The following ZNF792 variants were observed in gnomAD, a reference collection of about 807,000 sequenced individuals.
ZNF792 encodes zinc finger protein 792.
ZNF792 carries 14 observed loss-of-function variants against 13.1 expected under a neutral mutation model. That is an observed-to-expected ratio of 1.07 (90% CI 0.71 to 1.67). The LOEUF (loss-of-function observed/expected upper bound fraction) is 1.67, where lower values mean the gene tolerates loss of function less well. ZNF792 is among the 40% of genes most tolerant of loss of function. ZNF792 has a pLI of 0.00. For synonymous variants in ZNF792, 257 were observed against 292.0 expected, an observed-to-expected ratio of 0.88 and a Z score of 1.22; for missense variants, 740 against 807.9, an observed-to-expected ratio of 0.92 and a Z score of 1.02.
In ZNF792 at chr19:34,958,723, G is replaced by A. The variant is rs571355650; in HGVS notation, c.1132C>T (p.Arg378Cys). The A allele has an allele frequency of 1.4e-5, 23 of 1,613,484 alleles. No individual in the cohort carries two copies. Among genetic ancestry groups the A allele is most frequent in the South Asian group, 8.8e-5 (8 of 91,034 alleles). Residue 378 changes from arginine to cysteine, a missense_variant, in exon 4 of 4, where the codon CGT becomes TGT. By Grantham distance (180) the Arg-to-Cys change is radical. Transcript: ENST00000404801. ...CSDCGKFFSQ[R>C]SNLIHHKRVH... Reference sequence around the variant, plus strand: ...CTCTTATGATGAATGAGGTTGGAACGCTGGCTGAAGAACTTCCCACAGTCG... The same window carrying A: ...CTCTTATGATGAATGAGGTTGGAACACTGGCTGAAGAACTTCCCACAGTCG...
At position 34,957,759 on chromosome 19, in the gene ZNF792, C is replaced by T. The variant is rs921049005; in HGVS notation, c.*197G>A. On this transcript the variant is annotated 3_prime_UTR_variant, in exon 4 of 4. Coordinates refer to ENST00000404801, the MANE Select transcript of ZNF792 (RefSeq NM_175872.5). Reference sequence around the variant, plus strand: ...AAGGCTTCAGACTACTCCTAATTCCCTTTAGGGATTGGAAAGAGAGAGGAG... The same window carrying T: ...AAGGCTTCAGACTACTCCTAATTCCTTTTAGGGATTGGAAAGAGAGAGGAG... 8 of 578,826 alleles carry T rather than the reference C, an allele frequency of 1.4e-5. No individual in the cohort carries two copies. Among genetic ancestry groups the T allele is most frequent in the African/African-American group, 1.3e-4 (7 of 53,366 alleles). The allele number at this position is 578,826 out of a possible 1,614,324, so 35.9% of individuals were successfully genotyped here.
In ZNF792 at chr19:34,963,809, C is replaced by T. The variant is rs570346554; in HGVS notation, c.-147G>A. 36 of 926,180 alleles carry T rather than the reference C, an allele frequency of 3.9e-5. No individual in the cohort carries two copies. In the East Asian group the frequency reaches 9.7e-4, roughly 25 times the overall value. The allele number at this position is 926,180 out of a possible 1,614,324, so 57.4% of individuals were successfully genotyped here. On this transcript the variant is annotated 5_prime_UTR_variant, in exon 1 of 4. Coordinates refer to ENST00000404801, the MANE Select transcript of ZNF792 (RefSeq NM_175872.5). ...TGAGGGTCGCACTCCTAGCCTCAGTCTCCCCCGTGCAAAATGCGCAAGGGG... is the reference window on the plus strand; with the variant it reads ...TGAGGGTCGCACTCCTAGCCTCAGTTTCCCCCGTGCAAAATGCGCAAGGGG...
intron 2 of ZNF792, 168 bp downstream of exon 2, chr19:34,960,700 G>A: frequency 8.6e-6 from 9 of 1,047,470 alleles, no homozygotes; most frequent in Non-Finnish European, 1.2e-5. Context: ...AGGGAGAGGA[G>A]GGAACAATGC....
At chr19:34,961,928 A>C (rs2013533772) in intron 1 of ZNF792, among the ~76,000 whole-genome samples, 1 of 152,094 alleles carries the variant, frequency 6.6e-6, no homozygotes, top group African/African-American at 2.4e-5. Context: ...TCTACTGCTA[A>C]GCCTCAGCAT....
At position 34,958,098 on chromosome 19, in the gene ZNF792, C is replaced by G; in HGVS notation, c.1757G>C (p.Arg586Thr). 1 of 1,612,916 alleles carries G rather than the reference C, an allele frequency of 6.2e-7. No individual in the cohort carries two copies. Among genetic ancestry groups the G allele is most frequent in the Non-Finnish European group, 8.5e-7 (1 of 1,179,394 alleles). The change falls in exon 4 of 4, where the codon AGA (arginine) becomes ACA (threonine). Residue 586 changes from arginine (R) to threonine (T), a missense_variant. Physicochemically the swap from Arg to Thr is moderately conservative, Grantham distance 71. Transcript: ENST00000404801. The part of the protein sequence containing the change: ...TLIRHQKIHI[R>T]ERSMENVLLP... ...GAGCACATTCTCCATGCTCCTTTCT[C>G]TGATGTGAATCTTCTGATGCCGAAT...
In ZNF792 at chr19:34,959,236, C is replaced by G; in HGVS notation, c.619G>C (p.Asp207His). The part of the protein sequence containing the change: ...PVKTCRDHTS[D>H]QLSTCREGGK... ...CCCTCCCTGCAGGTGGAAAGCTGATCTGATGTGTGGTCTCTGCAGGTCTTT... is the reference window on the plus strand; with the variant it reads ...CCCTCCCTGCAGGTGGAAAGCTGATGTGATGTGTGGTCTCTGCAGGTCTTT... The change falls in exon 4 of 4, where the codon GAT becomes CAT. Residue 207 changes from aspartate (D) to histidine (H), a missense_variant. Transcript: ENST00000404801. 6.2e-7 allele frequency: 1 copy of G among 1,614,042 alleles called. No homozygotes were observed. Among genetic ancestry groups the G allele is most frequent in the Non-Finnish European group, 8.5e-7 (1 of 1,179,898 alleles).
chr19:34,963,321 A>C (rs908238224), intron 1 of ZNF792, among the ~76,000 whole-genome samples: 1 of 151,882 alleles, frequency 6.6e-6, no homozygotes. Context: ...GGTTCCTTGA[A>C]CACTCCCAAC....
At position 34,963,931 on chromosome 19, in the gene ZNF792, C is replaced by A; in HGVS notation, c.-269G>T. ...GCTGGTGCAAAGGCGCGGAGGGGGTCCCGGCCTCACTGTCCCCCTCGCGGT... is the reference window on the plus strand; with the variant it reads ...GCTGGTGCAAAGGCGCGGAGGGGGTACCGGCCTCACTGTCCCCCTCGCGGT... On this transcript the variant is annotated 5_prime_UTR_variant, in exon 1 of 4. Coordinates refer to ENST00000404801, the MANE Select transcript of ZNF792 (RefSeq NM_175872.5). 1 of 429,174 alleles carries A rather than the reference C, an allele frequency of 2.3e-6. No individual in the cohort carries two copies. The highest frequency in any genetic ancestry group is 4.1e-6 in the Non-Finnish European group (1 of 242,776). The allele number at this position is 429,174 out of a possible 1,614,324, so 26.6% of individuals were successfully genotyped here.
At chr19:34,960,075 T>C (rs1467783877) in intron 3 of ZNF792, among the ~76,000 whole-genome samples, 160 bp downstream of exon 3, 2 of 152,122 alleles carry the variant, frequency 1.3e-5, no homozygotes, top group Non-Finnish European at 2.9e-5. Context: ...AGAATAATAA[T>C]GACAAGTAGA....
In ZNF792 at chr19:34,958,838, C is replaced by A; in HGVS notation, c.1017G>T (p.Val339=). 1 of 1,612,558 alleles carries A rather than the reference C, an allele frequency of 6.2e-7. No homozygotes were observed. Among genetic ancestry groups the A allele is most frequent in the South Asian group, 1.1e-5 (1 of 90,948 alleles). The change falls in exon 4 of 4, where the codon GTG becomes GTT. Residue 339 remains valine, a synonymous_variant. Transcript: ENST00000404801. Reference sequence around the variant, plus strand: ...TGAAGAATTTCCCACAGTCACCACACACGTGAGGGCTTTCACCGGTGTGAA... The same window carrying A: ...TGAAGAATTTCCCACAGTCACCACAAACGTGAGGGCTTTCACCGGTGTGAA... ...RRVHTGESPH[V]CGDCGKFFSR... is the part of the protein sequence containing the mutation.
Position 34,960,981 on chromosome 19 carries a change from A to G in ZNF792, c.47T>C (p.Phe16Ser), listed in dbSNP as rs201371770. 2 of 1,613,514 alleles carry G rather than the reference A, an allele frequency of 1.2e-6. No individual in the cohort carries two copies. Among genetic ancestry groups the G allele is most frequent in the East Asian group, 4.5e-5 (2 of 44,870 alleles). Residue 16 changes from phenylalanine (F) to serine (S), a missense_variant, in exon 2 of 4, where the codon TTT (phenylalanine) becomes TCT (serine). Coordinates refer to ENST00000404801, the MANE Select transcript of ZNF792 (RefSeq NM_175872.5). ...GGAGAAGTAAATGGTCACGTCCTCA[A>G]AGGTCACGCAGCCCTGCCATGATGG... ...LRDPAQGCVTFEDVTIYFSQE... is the reference protein window; with the variant it reads ...LRDPAQGCVTSEDVTIYFSQE...
At chr19:34,961,666 C>T (rs868219254) in intron 1 of ZNF792, among the ~76,000 whole-genome samples, 7 of 152,138 alleles carry the variant, frequency 4.6e-5, no homozygotes, top group Admixed American at 3.9e-4. Context: ...GTCACATACA[C>T]TTGGCCTTCT....
chr19:34,958,204 G>C lies in ZNF792; in HGVS notation c.1651C>G (p.Gln551Glu). The C allele has an allele frequency of 6.2e-7, 1 of 1,611,902 alleles. No homozygotes were observed. Among genetic ancestry groups the C allele is most frequent in the Non-Finnish European group, 8.5e-7 (1 of 1,178,192 alleles). The change falls in exon 4 of 4, where the codon CAG becomes GAG. Residue 551 changes from glutamine to glutamate, a missense_variant. By Grantham distance (29) the Gln-to-Glu change is conservative. Transcript: ENST00000404801. ...TCTGGTTTGTGAACTTTCAGGTGCT[G>C]CCTCAGATTGGACCTCTGCCTGAAG... The part of the protein sequence containing the change: ...KTFRQRSNLR[Q>E]HLKVHKPDRP...
chr19:34,959,211 C>A lies in ZNF792; in HGVS notation c.644G>T (p.Gly215Val). The change falls in exon 4 of 4, where the codon GGT becomes GTT. Residue 215 changes from glycine to valine, a missense_variant. Gly to Val is a moderately radical substitution (Grantham distance 109). Transcript: ENST00000404801. ...TGCTGTGGCCACAAAGTCCTTCCCA[C>A]CCTCCCTGCAGGTGGAAAGCTGATC... ...TSDQLSTCRE[G>V]GKDFVATAGF... is the part of the protein sequence containing the mutation. The A allele has an allele frequency of 1.2e-6, 2 of 1,614,030 alleles. No individual in the cohort carries two copies. The highest frequency in any genetic ancestry group is 1.6e-4 in the Middle Eastern group (1 of 6,062).
In ZNF792 at chr19:34,960,879, A is replaced by G. The variant is rs201904503; in HGVS notation, c.149T>C (p.Ile50Thr). ...GGTGACAGCCTTACCCAGCGAGGCT[A>G]TAAGTGCAAAGTTTTCCAGCATCAC... ...CDVMLENFALIASLGLISFRS... is the reference protein window; with the variant it reads ...CDVMLENFALTASLGLISFRS... Residue 50 changes from isoleucine to threonine, a missense_variant, in exon 2 of 4, where the codon ATA becomes ACA. By Grantham distance (89) the Ile-to-Thr change is moderately conservative. Transcript: ENST00000404801. 327 of 1,614,008 alleles carry G rather than the reference A, an allele frequency of 2.0e-4. 1 individual carries two copies. The East Asian group carries it at 5.7e-3, about 28-fold the overall frequency.
Position 34,958,931 on chromosome 19 carries a change from T to C in ZNF792, c.924A>G (p.Lys308=), listed in dbSNP as rs1383374860. ...TTCCACATTCACAGCACTCATACGG[T>C]TTTCCTCTATTGTGAACTTTCTGGT... ...TQHQKVHNRG[K]PYECCECGKF... is the part of the protein sequence containing the mutation. Residue 308 remains lysine, a synonymous_variant, in exon 4 of 4, where the codon AAA becomes AAG. Transcript: ENST00000404801. The C allele has an allele frequency of 1.9e-6, 3 of 1,613,818 alleles. No individual in the cohort carries two copies. In the African/African-American group the frequency reaches 4.0e-5, roughly 22 times the overall value.
In ZNF792 at chr19:34,956,888, A is replaced by T. The variant is rs2013439772; in HGVS notation, c.*1068T>A. On this transcript the variant is annotated 3_prime_UTR_variant, in exon 4 of 4. Coordinates refer to ENST00000404801, the MANE Select transcript of ZNF792 (RefSeq NM_175872.5). ...ATTTGCTCTGCCAGTAACATTAGTC[A>T]TAGGACAGAGGTCTGAGGTCCTGAG... is the stretch of plus-strand genomic sequence containing the variant. 6.6e-6 allele frequency: 1 copy of T among 152,288 alleles called. No homozygotes were observed. Among genetic ancestry groups the T allele is most frequent in the African/African-American group, 2.4e-5 (1 of 41,468 alleles). 9.4% of individuals were successfully genotyped at this position (152,288 alleles called of 1,614,324 possible). A position where few individuals can be genotyped will look rare whatever the true frequency, so the allele number is the denominator to read the frequency against.
intron 3 of ZNF792, 141 bp from the exon 4 acceptor site, chr19:34,959,712 A>T: frequency 1.1e-6 from 1 of 935,220 alleles, no homozygotes; most frequent in Non-Finnish European, 1.5e-6. Flanking sequence ...GTAAGGAATA[A>T]TCTGCTCCGC....
Position 34,959,194 on chromosome 19 carries a change from C to T in ZNF792, c.661G>A (p.Ala221Thr). 6.2e-7 allele frequency: 1 copy of T among 1,614,032 alleles called. No individual in the cohort carries two copies. Among genetic ancestry groups the T allele is most frequent in the African/African-American group, 1.3e-5 (1 of 75,058 alleles). The change falls in exon 4 of 4, where the codon GCC (alanine) becomes ACC (threonine). Residue 221 changes from alanine to threonine, a missense_variant. By Grantham distance (58) the Ala-to-Thr change is moderately conservative. Transcript: ENST00000404801. Reference sequence around the variant, plus strand: ...TCACACTGCAGAAACCCTGCTGTGGCCACAAAGTCCTTCCCACCCTCCCTG... The same window carrying T: ...TCACACTGCAGAAACCCTGCTGTGGTCACAAAGTCCTTCCCACCCTCCCTG... ...TCREGGKDFV[A>T]TAGFLQCEVT...
Sources: gnomAD v4.1 joint callset for allele counts (sites outside exome capture counted in the v4.1 genomes callset) on GRCh38, gnomAD v4.1.1 for gene constraint, MANE v1.5 for transcripts, NCBI Gene and HGNC (gene_info 2026-07-23, HGNC 2026-07-21) for gene names.